RGP1: variants seen among roughly 807,000 people sequenced by gnomAD.
The protein encoded by RGP1 is RGP1 partner of RAB6A GEF complex.
RGP1 carries 28 observed loss-of-function variants against 44.5 expected under a neutral mutation model. The ratio of observed to expected loss-of-function variants is 0.63; its 90% CI spans 0.47 to 0.86. The LOEUF is 0.86. RGP1 is among the 40% of genes least tolerant of loss of function. RGP1 has a pLI of 0.00. For missense variants in RGP1, 417 were observed against 490.7 expected, an observed-to-expected ratio of 0.85 and a Z score of 1.42; for synonymous variants, 212 against 196.7, an observed-to-expected ratio of 1.08 and a Z score of -0.65.
At chr9:35,758,755 T>G (rs540134452), downstream of RGP1, among the ~76,000 whole-genome samples, 88 of 151,790 alleles carry the variant, frequency 5.8e-4, no homozygotes, top group African/African-American at 2.1e-3. Flanking sequence ...ATTCTCTCCC[T>G]CCTCTCAACT....
At chr9:35,778,592 G>T in the RGP1 span, among the ~76,000 whole-genome samples, 1 of 152,070 alleles carries the variant, frequency 6.6e-6, no homozygotes, top group Admixed American at 6.6e-5. Context: ...ATGTCAAACT[G>T]GTGTCTGACA....
At chr9:35,789,401 C>T in the RGP1 span, among the ~76,000 whole-genome samples, 1 of 148,766 alleles carries the variant, frequency 6.7e-6, no homozygotes, top group Non-Finnish European at 1.5e-5. Context: ...TGGGATCAAG[C>T]GATCCCCCCA....
Position 35,749,608 on chromosome 9 carries a change from T to A in RGP1, c.-19-129T>A. ...CTCCCTCCCACCCGCCTACCCCTCC[T>A]ATATCCAGGAGCTCCCTCGGGCACC... is the stretch of plus-strand genomic sequence containing the variant. On this transcript the variant is annotated intron_variant, in intron 1 of 8. Transcript: ENST00000378078. The surrounding 1 kb of genome is among the most constrained non-coding windows in gnomAD (Gnocchi z 4.4). 1 of 656,226 alleles carries A rather than the reference T, an allele frequency of 1.5e-6. No homozygotes were observed. Among genetic ancestry groups the A allele is most frequent in the East Asian group, 3.0e-5 (1 of 33,066 alleles). The allele number at this position is 656,226 out of a possible 1,614,324, so 40.7% of individuals were successfully genotyped here.
downstream of RGP1, among the ~76,000 whole-genome samples, chr9:35,762,525 C>T (rs888434131): frequency 6.6e-6 from 1 of 152,184 alleles, no homozygotes; most frequent in Admixed American, 6.5e-5. Context: ...TAGGAAAAGT[C>T]AATTCGCCCT....
At chr9:35,786,703 A>T in the RGP1 span, 1 of 152,158 alleles carries the variant, frequency 6.6e-6, no homozygotes, top group African/African-American at 2.4e-5. Flanking sequence ...TTTGGACTGT[A>T]TTTTCACAAA....
At chr9:35,774,746 T>C in the RGP1 span, among the ~76,000 whole-genome samples, 1 of 151,938 alleles carries the variant, frequency 6.6e-6, no homozygotes, top group South Asian at 2.1e-4. Context: ...AAAAAAAACA[T>C]GGAAATAGTT....
the RGP1 span, among the ~76,000 whole-genome samples, chr9:35,786,446 C>G: frequency 1.3e-5 from 2 of 152,298 alleles, no homozygotes; most frequent in Non-Finnish European, 2.9e-5. Context: ...AATAGGGAAA[C>G]TATCTATGTA....
intron 8 of RGP1, 112 bp downstream of exon 8, chr9:35,752,257 C>T: frequency 9.6e-7 from 1 of 1,043,564 alleles, no homozygotes; most frequent in Admixed American, 3.2e-5. Flanking sequence ...ATACCCACGT[C>T]TAGCCTCTGA....
the RGP1 span, among the ~76,000 whole-genome samples, chr9:35,787,671 T>G: frequency 1.4e-4 from 21 of 152,370 alleles, no homozygotes; most frequent in African/African-American, 5.0e-4. Context: ...ATTTCAGGAT[T>G]CTGTCTCTCC....
the RGP1 span, among the ~76,000 whole-genome samples, chr9:35,784,740 T>C: frequency 6.6e-6 from 1 of 152,138 alleles, no homozygotes; most frequent in African/African-American, 2.4e-5. Context: ...AGTGCTGGGA[T>C]TACAGGTGTG....
chr9:35,755,636 C>T lies in RGP1; in HGVS notation c.*2762C>T, dbSNP rs185397831. 4 of 152,268 alleles carry T rather than the reference C, an allele frequency of 2.6e-5. No homozygotes were observed. The highest frequency in any genetic ancestry group is 1.9e-4 in the East Asian group (1 of 5,184). 9.4% of individuals were successfully genotyped at this position (152,268 alleles called of 1,614,324 possible). A position where few individuals can be genotyped will look rare whatever the true frequency, so the allele number is the denominator to read the frequency against. On this transcript the variant is annotated 3_prime_UTR_variant, in exon 9 of 9. Transcript: ENST00000378078. ...GTGTGCAATCTAGATCCCTTGCATG[C>T]GGAGTTCACAGTGGGGTTTGCACTC...
At chr9:35,770,934 C>T in the RGP1 span, among the ~76,000 whole-genome samples, 67 of 152,232 alleles carry the variant, frequency 4.4e-4, no homozygotes, top group African/African-American at 1.5e-3. Flanking sequence ...CTCACACAGG[C>T]GTATTATATC....
chr9:35,765,880 G>C, the RGP1 span, among the ~76,000 whole-genome samples: 1 of 148,838 alleles, frequency 6.7e-6, no homozygotes, highest in African/African-American at 2.5e-5. Context: ...TGTTGCCCAG[G>C]CTGGAGTGCA....
At position 35,750,387 on chromosome 9, in the gene RGP1, A is replaced by G. The variant is rs1563972718; in HGVS notation, c.253+8A>G. On this transcript the variant is annotated splice_region_variant and intron_variant, in intron 3 of 8. Coordinates refer to ENST00000378078, the MANE Select transcript of RGP1 (RefSeq NM_001080496.3). ...TCTTTCTGCCACACCGAGGTTAGAGAGGGGCATTTGCCTGGGAGAGGGGGG... is the reference window on the plus strand; with the variant it reads ...TCTTTCTGCCACACCGAGGTTAGAGGGGGGCATTTGCCTGGGAGAGGGGGG... 5.6e-6 allele frequency: 9 copies of G among 1,613,588 alleles called. No homozygotes were observed. Among genetic ancestry groups the G allele is most frequent in the Non-Finnish European group, 7.6e-6 (9 of 1,179,744 alleles).
At chr9:35,777,496 T>G in the RGP1 span, among the ~76,000 whole-genome samples, 768 of 150,650 alleles carry the variant, frequency 5.1e-3, 4 homozygotes, top group Middle Eastern at 0.021. Flanking sequence ...TTTATATATA[T>G]AGAGAGAGAG....
chr9:35,790,309 C>G, the RGP1 span: 1 of 153,756 alleles, frequency 6.5e-6, no homozygotes, highest in Admixed American at 6.5e-5. Context: ...GGCCTCTGTG[C>G]CCCAGGGATT....
At position 35,757,578 on chromosome 9, in the gene RGP1, G is replaced by GTCTC. The variant is rs1827376678; in HGVS notation, c.*4704_*4705insTCTC. 1.3e-5 allele frequency: 2 copies of GTCTC among 153,036 alleles called. No homozygotes were observed. The highest frequency in any genetic ancestry group is 4.8e-5 in the African/African-American group (2 of 41,462). 9.5% of individuals were successfully genotyped at this position (153,036 alleles called of 1,614,324 possible). On this transcript the variant is annotated 3_prime_UTR_variant, in exon 9 of 9. Coordinates refer to ENST00000378078, the MANE Select transcript of RGP1 (RefSeq NM_001080496.3). ...GAGGGACCTGAGGAGGGAGGAGGGAGACCAACACAGGGTGGGAAGGCGGAA... is the reference window on the plus strand; with the variant it reads ...GAGGGACCTGAGGAGGGAGGAGGGAGTCTCACCAACACAGGGTGGGAAGGCGGAA...
the RGP1 span, among the ~76,000 whole-genome samples, chr9:35,788,438 C>T: frequency 4.6e-5 from 7 of 151,958 alleles, no homozygotes; most frequent in Non-Finnish European, 8.8e-5. Flanking sequence ...TGGTGGCGGG[C>T]GCCTGTAATC....
the RGP1 span, among the ~76,000 whole-genome samples, chr9:35,775,624 C>T: frequency 6.6e-6 from 1 of 152,194 alleles, no homozygotes; most frequent in African/African-American, 2.4e-5. Flanking sequence ...TTGTCTCTTC[C>T]TAGTTAGTAC....
Sources: gnomAD v4.1 joint callset for allele counts (sites outside exome capture counted in the v4.1 genomes callset) on GRCh38, gnomAD v4.1.1 for gene constraint, Gnocchi (gnomAD v3.1) non-coding constraint, MANE v1.5 for transcripts, NCBI Gene and HGNC (gene_info 2026-07-23, HGNC 2026-07-21) for gene names.